Variants in NRXN1 observed in about 807,000 individuals in gnomAD.
NRXN1 encodes the protein neurexin-1.
In NRXN1, 39 loss-of-function variants were observed where a neutral mutation model predicts 150.9. The ratio of observed to expected loss-of-function variants is 0.26; its 90% confidence interval spans 0.20 to 0.34. NRXN1 has a LOEUF of 0.34. Ranked by LOEUF, NRXN1 falls within the 10% of genes least tolerant of loss-of-function variation. The pLI, the probability that NRXN1 is intolerant of heterozygous loss-of-function variation, is 1.00. For missense variants in NRXN1, 1,815 were observed against 1,949.9 expected, an observed-to-expected ratio of 0.93 and a Z score of 1.30; for synonymous variants, 924 against 757.0, an observed-to-expected ratio of 1.22 and a Z score of -3.62.
intron 5 of NRXN1, among the ~76,000 whole-genome samples, chr2:50,681,320 A>G (rs1166774881): frequency 2.0e-5 from 3 of 152,216 alleles, no homozygotes; most frequent in Non-Finnish European, 4.4e-5. Context: ...CCAACTGGAA[A>G]TTGAATGATC....
At chr2:50,465,599 A>T in intron 16 of NRXN1, 38 bp from the exon 17 acceptor site, 1 of 1,556,152 alleles carries the variant, frequency 6.4e-7, no homozygotes, top group Non-Finnish European at 8.7e-7. Context: ...GTTCTTTAAA[A>T]GAATCCAAAA....
chr2:50,777,648 A>G (rs1646912018), intron 5 of NRXN1, among the ~76,000 whole-genome samples: 1 of 152,184 alleles, frequency 6.6e-6, no homozygotes, highest in South Asian at 2.1e-4. Context: ...TAAAGGTTCA[A>G]GGTCAAATAC....
rs536531208 is a variant in NRXN1 at position 50,021,367 on chromosome 2, AG to A, written c.4128+31903del. Among the ~76,000 whole-genome samples, 69 of 152,306 alleles carry A rather than the reference AG, an allele frequency of 4.5e-4. No individual in the cohort carries two copies. In the East Asian group the frequency reaches 0.01, roughly 23 times the overall value. On this transcript the variant is annotated intron_variant, in intron 21 of 22. Coordinates refer to ENST00000401669, the MANE Select transcript of NRXN1 (RefSeq NM_001330078.2). ...GCACACTATATATAGCTAGTATAGC[AG>A]GATGGAAACTTCTTTTGGTTGGAAA...
At chr2:50,923,193 A>T (rs950058773) in intron 3 of NRXN1, among the ~76,000 whole-genome samples, 1 of 151,942 alleles carries the variant, frequency 6.6e-6, no homozygotes, top group African/African-American at 2.4e-5. Flanking sequence ...TGAAATGATA[A>T]TGCAGAAATG....
At chr2:50,846,883 C>T (rs1053566611) in intron 5 of NRXN1, among the ~76,000 whole-genome samples, 7 of 151,944 alleles carry the variant, frequency 4.6e-5, no homozygotes, top group African/African-American at 7.3e-5. Flanking sequence ...AGTTTCATAA[C>T]GAAATAATGA....
intron 5 of NRXN1, among the ~76,000 whole-genome samples, chr2:50,787,544 C>T (rs552117337): frequency 2.6e-5 from 4 of 151,480 alleles, no homozygotes; most frequent in Admixed American, 2.0e-4. Flanking sequence ...GCAACAAGAC[C>T]GAAACTCCAT....
At chr2:49,984,996 G>A (rs1049645846) in intron 21 of NRXN1, among the ~76,000 whole-genome samples, 2 of 152,174 alleles carry the variant, frequency 1.3e-5, no homozygotes, top group Admixed American at 1.3e-4. Context: ...GTGACTATAG[G>A]GAGAGAATAA....
chr2:50,904,325 C>T (rs937826643), intron 5 of NRXN1, among the ~76,000 whole-genome samples: 1 of 152,058 alleles, frequency 6.6e-6, no homozygotes, highest in Non-Finnish European at 1.5e-5. Flanking sequence ...TCCTTGCAGC[C>T]CCACTCTCTT....
chr2:50,684,313 G>T (rs1255029857), intron 5 of NRXN1, among the ~76,000 whole-genome samples: 2 of 152,040 alleles, frequency 1.3e-5, no homozygotes, highest in South Asian at 4.1e-4. Context: ...GACAAGCCTG[G>T]ACAACAAGTT....
chr2:50,288,662 C>T (rs1255358410), intron 17 of NRXN1, among the ~76,000 whole-genome samples: 3 of 152,092 alleles, frequency 2.0e-5, no homozygotes, highest in Non-Finnish European at 4.4e-5. Context: ...ATGCAGGGAA[C>T]TCCCATTTAT....
At chr2:50,141,855 G>A (rs535173042) in intron 18 of NRXN1, among the ~76,000 whole-genome samples, 1 of 151,946 alleles carries the variant, frequency 6.6e-6, no homozygotes, top group Non-Finnish European at 1.5e-5. Flanking sequence ...TGTTGGTGGG[G>A]ATGTAAATTA....
At chr2:50,719,235 A>G (rs17040976) in intron 5 of NRXN1, among the ~76,000 whole-genome samples, 7,982 of 151,878 alleles carry the variant, frequency 0.053, 478 homozygotes, top group East Asian at 0.23. Flanking sequence ...ACCTCTTACC[A>G]TAATTCCAGT....
At chr2:50,485,539 G>A (rs1300679753) in intron 15 of NRXN1, among the ~76,000 whole-genome samples, 2 of 152,190 alleles carry the variant, frequency 1.3e-5, no homozygotes, top group Non-Finnish European at 2.9e-5. Flanking sequence ...CTTTAAAGAG[G>A]TCAAGATGGA....
intron 17 of NRXN1, among the ~76,000 whole-genome samples, chr2:50,408,747 C>T (rs921235780): frequency 1.3e-5 from 2 of 151,980 alleles, no homozygotes; most frequent in African/African-American, 4.8e-5. Flanking sequence ...TCTGCATTCC[C>T]TATTGCCACA....
chr2:50,834,008 C>T, intron 5 of NRXN1, among the ~76,000 whole-genome samples: 1 of 151,942 alleles, frequency 6.6e-6, no homozygotes, highest in Admixed American at 6.6e-5. Flanking sequence ...TTTTGCCAAA[C>T]AACTGAAATT....
intron 5 of NRXN1, among the ~76,000 whole-genome samples, chr2:50,703,335 T>C (rs188848690): frequency 1.3e-5 from 2 of 152,212 alleles, no homozygotes; most frequent in Admixed American, 6.5e-5. Context: ...TTTTTGATGA[T>C]TGCAGTAACA....
At position 50,359,571 on chromosome 2, in the gene NRXN1, A is replaced by G. The variant is rs76488365; in HGVS notation, c.3364+105871T>C. Among the ~76,000 whole-genome samples the G allele has an allele frequency of 4.9e-3, 749 of 152,060 alleles. 9 individuals are homozygous for G. The highest frequency in any genetic ancestry group is 0.017 in the African/African-American group (720 of 41,506). On this transcript the variant is annotated intron_variant, in intron 17 of 22. Coordinates refer to ENST00000401669, the MANE Select transcript of NRXN1 (RefSeq NM_001330078.2). Reference sequence around the variant, plus strand: ...CAAGATTAGAGAAAAAAGAATGAAAAGGAACGAACAAAGCCTCCAAGATAT... The same window carrying G: ...CAAGATTAGAGAAAAAAGAATGAAAGGGAACGAACAAAGCCTCCAAGATAT...
intron 2 of NRXN1, among the ~76,000 whole-genome samples, chr2:50,947,762 G>C (rs1348231764): frequency 2.0e-5 from 3 of 151,992 alleles, no homozygotes; most frequent in African/African-American, 7.2e-5. Context: ...TCATGTTAAA[G>C]CTACGAAGGG....
At chr2:50,392,014 T>C (rs906002994) in intron 17 of NRXN1, among the ~76,000 whole-genome samples, 1 of 152,162 alleles carries the variant, frequency 6.6e-6, no homozygotes, top group Non-Finnish European at 1.5e-5. Flanking sequence ...AGGCAGATTA[T>C]GAAACTTACT....
Sources: allele counts gnomAD v4.1 joint callset (sites outside exome capture counted in the v4.1 genomes callset), GRCh38; gene constraint gnomAD v4.1.1; transcripts MANE v1.5; gene names NCBI Gene and HGNC (gene_info 2026-07-23, HGNC 2026-07-21).